The following TNRC6B variants were observed in gnomAD, a reference collection of about 807,000 sequenced individuals.
TNRC6B encodes the protein trinucleotide repeat-containing gene 6B protein.
Under a neutral mutation model 203.6 loss-of-function variants are expected in TNRC6B, and 52 were observed. That is an observed-to-expected ratio of 0.26 (90% CI 0.20 to 0.32). TNRC6B has a LOEUF of 0.32. Ranked by LOEUF, TNRC6B falls within the 10% of genes least tolerant of loss-of-function variation. TNRC6B has a pLI of 1.00. For missense variants in TNRC6B, 1,923 were observed against 2,286.2 expected (o/e 0.84, Z 3.24); for synonymous variants, 838 against 845.7 (o/e 0.99, Z 0.16).
intron 4 of TNRC6B, among the ~76,000 whole-genome samples, chr22:40,172,673 G>A (rs1456316037): frequency 1.3e-5 from 2 of 152,160 alleles, no homozygotes; most frequent in African/African-American, 4.8e-5. Context: ...TCAAGAATAT[G>A]TTATCCTCAT....
chr22:40,148,284 T>C (rs993447603), intron 3 of TNRC6B, among the ~76,000 whole-genome samples: 1 of 127,346 alleles, frequency 7.9e-6, no homozygotes, highest in African/African-American at 3.0e-5. Flanking sequence ...AAACAGTTTC[T>C]TTTTTTTTTT....
intron 3 of TNRC6B, among the ~76,000 whole-genome samples, chr22:40,131,907 G>A (rs1220470563): frequency 6.6e-6 from 1 of 152,190 alleles, no homozygotes; most frequent in Non-Finnish European, 1.5e-5. Context: ...GAGGAACAGT[G>A]AATATTTCTT....
chr22:40,318,293 A>G (rs1446947357), intron 21 of TNRC6B, among the ~76,000 whole-genome samples: 2 of 152,168 alleles, frequency 1.3e-5, no homozygotes, highest in African/African-American at 4.8e-5. Context: ...CACACCTGTA[A>G]TCCCAGCACT....
At position 40,300,416 on chromosome 22, in the gene TNRC6B, A is replaced by ATTCCT. The variant is rs749179948; in HGVS notation, c.3709-36_3709-32dup. 9 of 1,477,224 alleles carry ATTCCT rather than the reference A, an allele frequency of 6.1e-6. No homozygotes were observed. In the African/African-American group the frequency reaches 1.3e-4, roughly 21 times the overall value. The allele number at this position is 1,477,224 out of a possible 1,614,324, so 91.5% of individuals were successfully genotyped here. On this transcript the variant is annotated intron_variant, in intron 12 of 22. Coordinates refer to ENST00000454349, the MANE Select transcript of TNRC6B (RefSeq NM_001162501.2). ...AGTTTTATTTTGATAAATTCTGAAG[A>ATTCCT]TTCCTTTTCTTTTCTTTCTTTTTTA...
intron 16 of TNRC6B, among the ~76,000 whole-genome samples, chr22:40,309,391 G>A (rs2071140381): frequency 6.6e-6 from 1 of 152,234 alleles, no homozygotes; most frequent in South Asian, 2.1e-4. Flanking sequence ...CCCCAGCCAG[G>A]TCATTCAGTC....
At chr22:40,224,943 A>C (rs1352712637) in intron 1 of TNRC6B, among the ~76,000 whole-genome samples, 2 of 152,218 alleles carry the variant, frequency 1.3e-5, no homozygotes, top group Admixed American at 1.3e-4. Flanking sequence ...CTGCTGCCAG[A>C]AGCAGTAGCA....
At chr22:40,143,109 T>C (rs1045311114) in intron 3 of TNRC6B, among the ~76,000 whole-genome samples, 3 of 152,162 alleles carry the variant, frequency 2.0e-5, no homozygotes, top group African/African-American at 7.2e-5. Flanking sequence ...CATTGTAAAC[T>C]TCTGCTAAAC....
intron 3 of TNRC6B, among the ~76,000 whole-genome samples, chr22:40,143,918 AAGACTAGGC>A (rs2068668324): frequency 6.6e-6 from 1 of 152,240 alleles, no homozygotes; most frequent in African/African-American, 2.4e-5. Flanking sequence ...AAATGTACAA[AAGACTAGGC>A]ATTTCACAAA....
At chr22:40,316,187 T>C (rs768992971) in intron 21 of TNRC6B, among the ~76,000 whole-genome samples, 175 bp downstream of exon 21, 1 of 151,294 alleles carries the variant, frequency 6.6e-6, no homozygotes, top group African/African-American at 2.4e-5. Flanking sequence ...ACCCCGTCTC[T>C]ACTAAAAATA....
chr22:40,177,745 C>T (rs1053535614), upstream of TNRC6B, among the ~76,000 whole-genome samples: 9 of 152,202 alleles, frequency 5.9e-5, no homozygotes, highest in African/African-American at 1.7e-4. Context: ...CTTTCACATG[C>T]AGTGTCTGTA....
chr22:40,186,549 C>A (rs961331171), intron 1 of TNRC6B, among the ~76,000 whole-genome samples: 1 of 151,730 alleles, frequency 6.6e-6, no homozygotes, highest in Non-Finnish European at 1.5e-5. Flanking sequence ...ACCATCCTGG[C>A]CAACATGGTG....
intron 1 of TNRC6B, among the ~76,000 whole-genome samples, chr22:40,220,370 C>T (rs937772030): frequency 2.0e-5 from 3 of 152,210 alleles, no homozygotes; most frequent in Admixed American, 6.5e-5. Context: ...TTTCCATTCC[C>T]TTTGAGGGAG....
chr22:40,163,471 A>AC (rs2068889271), intron 4 of TNRC6B, among the ~76,000 whole-genome samples: 1 of 126,014 alleles, frequency 7.9e-6, no homozygotes, highest in Non-Finnish European at 1.6e-5. Flanking sequence ...AAAAAAAAAA[A>AC]AAAAAAAAAG....
chr22:40,059,732 A>G (rs907087200), intron 1 of TNRC6B, among the ~76,000 whole-genome samples: 2 of 150,912 alleles, frequency 1.3e-5, no homozygotes, highest in Non-Finnish European at 2.9e-5. Flanking sequence ...GTCTGTTAAC[A>G]TGGTAAATTA....
intron 3 of TNRC6B, among the ~76,000 whole-genome samples, chr22:40,139,266 A>G (rs1032679623): frequency 1.5e-4 from 22 of 151,364 alleles, no homozygotes; most frequent in African/African-American, 4.9e-4. Flanking sequence ...TGTTAAGCAC[A>G]TTATCAGTGC....
At chr22:40,316,488 C>A (rs910559290) in intron 21 of TNRC6B, among the ~76,000 whole-genome samples, 3 of 152,102 alleles carry the variant, frequency 2.0e-5, no homozygotes, top group Admixed American at 6.5e-5. Flanking sequence ...CAATATGAGA[C>A]CCTGTTTCTA....
chr22:40,251,268 C>T, intron 3 of TNRC6B, 68 bp downstream of exon 3: 15 of 1,273,914 alleles, frequency 1.2e-5, no homozygotes, highest in Non-Finnish European at 1.5e-5. Flanking sequence ...CTGTTGCTGA[C>T]TCAGCCTCCA....
intron 9 of TNRC6B, 65 bp downstream of exon 9, chr22:40,278,109 T>G: frequency 2.3e-6 from 3 of 1,290,282 alleles, no homozygotes; most frequent in Non-Finnish European, 3.3e-6. Context: ...TGGCATCTCC[T>G]GCCCAATTTG....
intron 4 of TNRC6B, among the ~76,000 whole-genome samples, chr22:40,163,446 G>A (rs1231047545): frequency 1.4e-5 from 1 of 74,058 alleles, no homozygotes; most frequent in Non-Finnish European, 2.6e-5. Context: ...GACAGAATGA[G>A]ACCCTGTCTC....
Sources: gnomAD v4.1 joint callset for allele counts (sites outside exome capture counted in the v4.1 genomes callset) on GRCh38, gnomAD v4.1.1 for gene constraint, MANE v1.5 for transcripts, NCBI Gene and HGNC (gene_info 2026-07-23, HGNC 2026-07-21) for gene names.